Variants in PTH2R observed in about 807,000 individuals in gnomAD.
The protein encoded by PTH2R is PTH2 receptor.
Under a neutral mutation model 60.3 loss-of-function variants are expected in PTH2R, and 59 were observed. That is an observed-to-expected ratio of 0.98 (90% CI 0.79 to 1.22). The LOEUF (loss-of-function observed/expected upper bound fraction) is 1.22, where lower values mean the gene tolerates loss of function less well. Ranked by LOEUF, PTH2R falls within the 50% of genes most tolerant of loss-of-function variation. The pLI, the probability that PTH2R is intolerant of heterozygous loss-of-function variation, is 0.00. For missense variants in PTH2R, 749 were observed against 682.6 expected (o/e 1.10, Z -1.08); for synonymous variants, 256 against 243.8 (o/e 1.05, Z -0.47).
intron 4 of PTH2R, 28 bp downstream of exon 4, chr2:208,437,909 C>T (rs1017401252): frequency 6.3e-7 from 1 of 1,597,524 alleles, no homozygotes; most frequent in Non-Finnish European, 8.6e-7. Context: ...TTTGTGAATT[C>T]CTAAGGGAAA....
chr2:208,480,202 A>G (rs369491192), intron 9 of PTH2R, among the ~76,000 whole-genome samples: 9 of 152,334 alleles, frequency 5.9e-5, no homozygotes, highest in South Asian at 2.1e-4. Context: ...CTGCCAGACA[A>G]GTTATCCCCA....
At chr2:208,467,379 C>T (rs1702777089) in intron 9 of PTH2R, among the ~76,000 whole-genome samples, 1 of 151,950 alleles carries the variant, frequency 6.6e-6, no homozygotes, top group Non-Finnish European at 1.5e-5. Flanking sequence ...AGAAGAAAAA[C>T]ACTTTTAGTA....
At chr2:208,447,445 A>C (rs899452536) in intron 7 of PTH2R, among the ~76,000 whole-genome samples, 2 of 151,920 alleles carry the variant, frequency 1.3e-5, no homozygotes, top group Non-Finnish European at 2.9e-5. Flanking sequence ...AAAATTAGCC[A>C]GACGTGCTGG....
intron 10 of PTH2R, among the ~76,000 whole-genome samples, chr2:208,485,152 T>C (rs1703243595): frequency 6.6e-6 from 1 of 152,230 alleles, no homozygotes. Context: ...AGAGCAATAG[T>C]AATTTTTTAA....
intron 2 of PTH2R, among the ~76,000 whole-genome samples, chr2:208,434,026 A>C (rs1435356066): frequency 6.6e-6 from 1 of 152,182 alleles, no homozygotes; most frequent in Non-Finnish European, 1.5e-5. Context: ...TAAGACCTCT[A>C]TTTTTGGCCA....
chr2:208,396,535 C>T (rs908012762), intron 1 of PTH2R, among the ~76,000 whole-genome samples: 1 of 152,094 alleles, frequency 6.6e-6, no homozygotes, highest in Non-Finnish European at 1.5e-5. Flanking sequence ...CATTTATGCA[C>T]CCAACAGACA....
chr2:208,362,644 A>G (rs1240688125), intron 1 of PTH2R, among the ~76,000 whole-genome samples: 1 of 152,148 alleles, frequency 6.6e-6, no homozygotes, highest in Non-Finnish European at 1.5e-5. Context: ...TGGGTATGCA[A>G]ATACTTCTTT....
At chr2:208,369,810 T>G (rs755992007) in intron 1 of PTH2R, among the ~76,000 whole-genome samples, 1 of 152,122 alleles carries the variant, frequency 6.6e-6, no homozygotes, top group Non-Finnish European at 1.5e-5. Context: ...ATATATAAAT[T>G]AATGCCATGT....
intron 4 of PTH2R, 78 bp from the exon 5 acceptor site, chr2:208,442,285 CA>C: frequency 9.4e-7 from 1 of 1,061,394 alleles, no homozygotes; most frequent in Non-Finnish European, 1.4e-6. Flanking sequence ...AATAAGATTC[CA>C]AAAATGACAT....
At chr2:208,365,961 T>TATATATATATATATA (rs1491452832) in intron 1 of PTH2R, among the ~76,000 whole-genome samples, 6 of 11,038 alleles carry the variant, frequency 5.4e-4, no homozygotes, top group Admixed American at 2.7e-3. Flanking sequence ...TATATATATA[T>TATATATATATATATA]TTTTTTTTTT....
Position 208,470,891 on chromosome 2 carries a change from T to C in PTH2R, c.982-10179T>C, listed in dbSNP as rs539340244. ...GCTTTGACCAAAATGCTGATAATGGTGTGGACAATGAAATCCAGGCTAAGG... is the reference window on the plus strand; with the variant it reads ...GCTTTGACCAAAATGCTGATAATGGCGTGGACAATGAAATCCAGGCTAAGG... On this transcript the variant is annotated intron_variant, in intron 9 of 12. Transcript: ENST00000272847. 4.6e-5 allele frequency among the ~76,000 whole-genome samples: 7 copies of C among 152,240 alleles called. 1 individual carries two copies. In the East Asian group the frequency reaches 1.4e-3, roughly 29 times the overall value.
In PTH2R at chr2:208,427,563, A is replaced by G. The variant is rs555771952; in HGVS notation, c.76-638A>G. Among the ~76,000 whole-genome samples the G allele has an allele frequency of 2.6e-5, 4 of 152,336 alleles. No individual in the cohort carries two copies. In the South Asian group the frequency reaches 6.2e-4, roughly 24 times the overall value. ...ATAATCCAGAAATCTCCAAAACTATATATCTGACTATTCACTGAGATTCTC... is the reference window on the plus strand; with the variant it reads ...ATAATCCAGAAATCTCCAAAACTATGTATCTGACTATTCACTGAGATTCTC... On this transcript the variant is annotated intron_variant, in intron 1 of 12. Transcript: ENST00000272847.
rs1701260475 is a variant in PTH2R, at chr2:208,398,994, CA to C, written c.-258-29205del. The stretch of plus-strand genomic sequence containing the variant: ...TAGGATAAGTTTTAGATTTAATAGA[CA>C]AGCTTCTTTATAAGCAATATGTGCA... On this transcript the variant is annotated intron_variant, in intron 1 of 12. Coordinates refer to the PTH2R transcript ENST00000617735. Among the ~76,000 whole-genome samples the C allele has an allele frequency of 2.0e-5, 3 of 152,180 alleles. No individual in the cohort carries two copies. The South Asian group carries it at 6.2e-4, about 32-fold the overall frequency.
chr2:208,476,487 G>C (rs888741810), intron 9 of PTH2R, among the ~76,000 whole-genome samples: 3 of 152,146 alleles, frequency 2.0e-5, no homozygotes, highest in African/African-American at 4.8e-5. Flanking sequence ...GATTAGAAAT[G>C]AACTATATAT....
chr2:208,455,031 T>C (rs1365070472), intron 8 of PTH2R, among the ~76,000 whole-genome samples: 1 of 152,176 alleles, frequency 6.6e-6, no homozygotes, highest in African/African-American at 2.4e-5. Context: ...ATTCATCAGC[T>C]TCCCTCAGTT....
At chr2:208,467,144 G>C (rs111740524) in intron 9 of PTH2R, among the ~76,000 whole-genome samples, 2 of 151,902 alleles carry the variant, frequency 1.3e-5, no homozygotes, top group African/African-American at 4.8e-5. Flanking sequence ...CTTAAATTTC[G>C]GGTTAATTGG....
chr2:208,432,618 C>T (rs1291816274), intron 2 of PTH2R, among the ~76,000 whole-genome samples: 1 of 152,140 alleles, frequency 6.6e-6, no homozygotes, highest in Non-Finnish European at 1.5e-5. Context: ...AGGCCATCTG[C>T]AAGCTGGGGA....
chr2:208,445,876 G>A lies in PTH2R; in HGVS notation c.853+989G>A, dbSNP rs1162688070. ...TGAAATAATCATCACAATTAAAGTT[G>A]TATTTTTGTAGACAGCTCGTCTGTT... On this transcript the variant is annotated intron_variant, in intron 7 of 12. Coordinates refer to ENST00000272847, the MANE Select transcript of PTH2R (RefSeq NM_005048.4). Among the ~76,000 whole-genome samples the A allele has an allele frequency of 2.6e-5, 4 of 152,252 alleles. No homozygotes were observed. In the East Asian group the frequency reaches 7.7e-4, roughly 29 times the overall value.
chr2:208,372,106 A>G (rs550838404), intron 1 of PTH2R, among the ~76,000 whole-genome samples: 19 of 152,144 alleles, frequency 1.2e-4, no homozygotes, highest in African/African-American at 4.3e-4. Context: ...TATTTTTAGT[A>G]GAGATGGGGT....
Sources: allele counts gnomAD v4.1 joint callset (sites outside exome capture counted in the v4.1 genomes callset), GRCh38; gene constraint gnomAD v4.1.1; transcripts MANE v1.5; gene names NCBI Gene and HGNC (gene_info 2026-07-23, HGNC 2026-07-21).